The following ITIH5 variants were observed in gnomAD, a reference collection of about 807,000 sequenced individuals.
ITIH5 encodes the protein inter-alpha-trypsin inhibitor heavy chain 5.
ITIH5 carries 65 observed loss-of-function variants against 77.5 expected under a neutral mutation model. The observed-to-expected ratio is 0.84, with a 90% CI of 0.69 to 1.03. The LOEUF is 1.03. ITIH5 is among the 50% of genes least tolerant of loss of function. ITIH5 has a pLI of 0.00. For missense variants in ITIH5, 1,208 were observed against 1,213.1 expected (o/e 1.00, Z 0.06); for synonymous variants, 525 against 494.3 (o/e 1.06, Z -0.82).
chr10:7,614,030 T>C (rs1833312937), intron 7 of ITIH5, among the ~76,000 whole-genome samples: 1 of 152,180 alleles, frequency 6.6e-6, no homozygotes, highest in Non-Finnish European at 1.5e-5. Flanking sequence ...TACAAACAGA[T>C]TTTCAAATAT....
intron 1 of ITIH5, among the ~76,000 whole-genome samples, chr10:7,664,273 A>T (rs576967357): frequency 6.6e-6 from 1 of 151,684 alleles, no homozygotes; most frequent in African/African-American, 2.4e-5. Flanking sequence ...GGTGGAGTGC[A>T]CCTGTAATCC....
At chr10:7,634,591 A>G (rs952127761) in intron 5 of ITIH5, among the ~76,000 whole-genome samples, 1 of 152,224 alleles carries the variant, frequency 6.6e-6, no homozygotes, top group Non-Finnish European at 1.5e-5. Flanking sequence ...CCCCGAATAT[A>G]AACAGTAAGC....
rs555552192 is a variant in ITIH5 at position 7,610,542 on chromosome 10, G to T, written c.939+5440C>A. Among the ~76,000 whole-genome samples, 5 of 152,334 alleles carry T rather than the reference G, an allele frequency of 3.3e-5. No homozygotes were observed. In the East Asian group the frequency reaches 9.6e-4, roughly 29 times the overall value. On this transcript the variant is annotated intron_variant, in intron 7 of 13. Transcript: ENST00000397146. ...AGCCAAGAACATTGGGAATAACAGT[G>T]AATGATTCTTAATAGAATCCATGTG...
At chr10:7,577,343 C>T (rs571005005) in intron 9 of ITIH5, among the ~76,000 whole-genome samples, 3 of 152,284 alleles carry the variant, frequency 2.0e-5, no homozygotes, top group South Asian at 2.1e-4. Flanking sequence ...GGAACAATAT[C>T]GAATTAGTGT....
rs749390531 is a variant in ITIH5 at position 7,563,410 on chromosome 10, G to T, written c.2528-26C>A. On this transcript the variant is annotated intron_variant, in intron 13 of 13. Transcript: ENST00000397146. ...CTGGGAGGACAAGGAAAAGCATCGGGTCTCAGTCAAATGCAGAAACCTCGT... is the reference window on the plus strand; with the variant it reads ...CTGGGAGGACAAGGAAAAGCATCGGTTCTCAGTCAAATGCAGAAACCTCGT... 8 of 1,599,700 alleles carry T rather than the reference G, an allele frequency of 5.0e-6. No homozygotes were observed. In the South Asian group the frequency reaches 8.9e-5, roughly 18 times the overall value.
chr10:7,609,147 A>G (rs1833191215), intron 7 of ITIH5, among the ~76,000 whole-genome samples: 1 of 152,230 alleles, frequency 6.6e-6, no homozygotes, highest in Non-Finnish European at 1.5e-5. Context: ...CCACCTTCCC[A>G]TGCATAAAAT....
chr10:7,649,227 C>A (rs1426583951), intron 2 of ITIH5, among the ~76,000 whole-genome samples: 1 of 151,628 alleles, frequency 6.6e-6, no homozygotes, highest in Non-Finnish European at 1.5e-5. Flanking sequence ...TTTCTTCTTT[C>A]TTCTTCCTTC....
Position 7,579,713 on chromosome 10 carries a change from C to T in ITIH5, c.1418+42G>A, listed in dbSNP as rs558005010. 4.3e-5 allele frequency: 68 copies of T among 1,591,406 alleles called. No individual in the cohort carries two copies. In the South Asian group the frequency reaches 7.1e-4, roughly 17 times the overall value. On this transcript the variant is annotated intron_variant, in intron 9 of 13. Coordinates refer to ENST00000397146, the MANE Select transcript of ITIH5 (RefSeq NM_030569.7). Reference sequence around the variant, plus strand: ...ATTCCCACCGCAGCCACCCCTCAGCCCCTCAAACAGCCTCTCATGCCTACG... The same window carrying T: ...ATTCCCACCGCAGCCACCCCTCAGCTCCTCAAACAGCCTCTCATGCCTACG...
At chr10:7,623,522 G>A (rs1451554439) in intron 5 of ITIH5, among the ~76,000 whole-genome samples, 3 of 152,170 alleles carry the variant, frequency 2.0e-5, no homozygotes, top group East Asian at 1.9e-4. Context: ...ACCTTCATAA[G>A]GCCGGGCGTG....
chr10:7,629,400 G>T (rs1833672531), intron 5 of ITIH5, among the ~76,000 whole-genome samples: 2 of 150,176 alleles, frequency 1.3e-5, no homozygotes, highest in South Asian at 4.2e-4. Flanking sequence ...TGTCCATGTT[G>T]TAGAGTGTGT....
In ITIH5 at chr10:7,666,785, C is replaced by G. The variant is rs1263715240; in HGVS notation, c.90+18G>C. On this transcript the variant is annotated intron_variant, in intron 1 of 13. Coordinates refer to ENST00000397146, the MANE Select transcript of ITIH5 (RefSeq NM_030569.7). Reference sequence around the variant, plus strand: ...GGGCGGCCGCGCCCGGGACCCGGCTCCCCTCGGCTCCACTTACCTGCTCCG... The same window carrying G: ...GGGCGGCCGCGCCCGGGACCCGGCTGCCCTCGGCTCCACTTACCTGCTCCG... 1 of 1,594,570 alleles carries G rather than the reference C, an allele frequency of 6.3e-7. No homozygotes were observed. The highest frequency in any genetic ancestry group is 8.5e-7 in the Non-Finnish European group (1 of 1,169,768).
In ITIH5 at chr10:7,617,265, G is replaced by C; in HGVS notation, c.670C>G (p.Pro224Ala). The change falls in exon 6 of 14, where the codon CCA (proline) becomes GCA (alanine). Residue 224 changes from proline to alanine, a missense_variant. Physicochemically the swap from Pro to Ala is conservative, Grantham distance 27. Coordinates refer to ENST00000397146, the MANE Select transcript of ITIH5 (RefSeq NM_030569.7). ...GRGEDDSGPP[P>A]STVINQNETF... ...TCATTTTGGTTAATGACAGTAGATG[G>C]GGGAGGCCCAGAATCATCTGCAAAC... The C allele has an allele frequency of 6.3e-6, 10 of 1,579,698 alleles. No homozygotes were observed. Among genetic ancestry groups the C allele is most frequent in the Non-Finnish European group, 8.6e-6 (10 of 1,165,172 alleles).
intron 8 of ITIH5, 59 bp downstream of exon 8, chr10:7,585,830 AAAAAAAAAAACC>A (rs1429337738): frequency 5.5e-5 from 67 of 1,223,984 alleles, no homozygotes; most frequent in Non-Finnish European, 6.6e-5. Context: ...CTTGGCAAAA[AAAAAAAAAAACC>A]AAAAAAAAAA....
rs149543607 is a variant in ITIH5, at chr10:7,563,212, C to T, written c.2700G>A (p.Glu900=). The T allele has an allele frequency of 2.1e-4, 338 of 1,614,254 alleles. No homozygotes were observed. Among genetic ancestry groups the T allele is most frequent in the Non-Finnish European group, 1.6e-4 (183 of 1,180,052 alleles). The change falls in exon 14 of 14, where the codon GAG becomes GAA. Residue 900 remains glutamate (E), a synonymous_variant. Transcript: ENST00000397146. ...WKQRKIYNGE[E]QIDCWFARNN... ...TCCTGGCAAACCAGCAGTCTATCTG[C>T]TCTTCCCCGTTGTAAATCTTCCTTT... is the stretch of plus-strand genomic sequence containing the variant.
rs201286904 is a variant in ITIH5 at position 7,566,790 on chromosome 10, AGAAGAAGAAGAGGAAGAGGAAGAG to A, written c.2150-407_2150-384del. On this transcript the variant is annotated intron_variant, in intron 12 of 13. Transcript: ENST00000397146. ...AAGAAGAAAGAAGAAAGAAGAAAGAAGAAGAAGAAGAGGAAGAGGAAGAGGAAGAGGAAGAGGAAGAGGAAGAGG... is the reference window on the plus strand; with the variant it reads ...AAGAAGAAAGAAGAAAGAAGAAAGAAGAAGAGGAAGAGGAAGAGGAAGAGG... Among the ~76,000 whole-genome samples, 37 of 4,156 alleles carry A rather than the reference AGAAGAAGAAGAGGAAGAGGAAGAG, an allele frequency of 8.9e-3. 9 individuals are homozygous for A. Among genetic ancestry groups the A allele is most frequent in the East Asian group, 0.081 (6 of 74 alleles). 2.7% of individuals were successfully genotyped at this position (4,156 alleles called of 152,430 possible).
intron 5 of ITIH5, among the ~76,000 whole-genome samples, chr10:7,626,097 C>T (rs1304598903): frequency 6.6e-6 from 1 of 152,206 alleles, no homozygotes; most frequent in East Asian, 1.9e-4. Flanking sequence ...GTGGCAGATG[C>T]TCTTGGTGAT....
intron 8 of ITIH5, among the ~76,000 whole-genome samples, chr10:7,581,564 A>G (rs1165691527): frequency 6.6e-6 from 1 of 152,014 alleles, no homozygotes; most frequent in Non-Finnish European, 1.5e-5. Context: ...GGAGTTCTAA[A>G]TGTTCTGTTT....
At chr10:7,606,753 T>C (rs1833133711) in intron 7 of ITIH5, among the ~76,000 whole-genome samples, 1 of 152,138 alleles carries the variant, frequency 6.6e-6, no homozygotes. Flanking sequence ...AAAGGAAAAA[T>C]AAATAAAATA....
chr10:7,574,087 G>A (rs573146688), intron 10 of ITIH5, among the ~76,000 whole-genome samples: 18 of 152,294 alleles, frequency 1.2e-4, no homozygotes, highest in East Asian at 5.8e-4. Flanking sequence ...CTATGTGTGC[G>A]GCGGAATTTA....
Sources: allele counts gnomAD v4.1 joint callset (sites outside exome capture counted in the v4.1 genomes callset), GRCh38; gene constraint gnomAD v4.1.1; transcripts MANE v1.5; gene names NCBI Gene and HGNC (gene_info 2026-07-23, HGNC 2026-07-21).